The following SYNPO2L variants were observed in gnomAD, a reference collection of about 807,000 sequenced individuals.
SYNPO2L encodes synaptopodin 2-like protein.
SYNPO2L carries 34 observed loss-of-function variants against 47.5 expected under a neutral mutation model. That is an observed-to-expected ratio of 0.72 (90% CI 0.54 to 0.95). SYNPO2L has a LOEUF of 0.95. Among genes scored for constraint, SYNPO2L ranks in the 40% least tolerant of loss-of-function variants. The pLI, the probability that SYNPO2L is intolerant of heterozygous loss-of-function variation, is 0.00. For synonymous variants in SYNPO2L, 536 were observed against 524.9 expected (o/e 1.02, Z -0.29); for missense variants, 1,246 against 1,282.0 (o/e 0.97, Z 0.43).
chr10:73,649,678 C>T (rs2081822266), intron 3 of SYNPO2L: 1 of 956,612 alleles, frequency 1.0e-6, no homozygotes, highest in Non-Finnish European at 1.2e-6. Flanking sequence ...CACCTACATG[C>T]TCTAGGTGGC....
rs2081764194 is a variant in SYNPO2L at position 73,647,118 on chromosome 10, T to C, written c.2534A>G (p.Lys845Arg). 1.9e-6 allele frequency: 3 copies of C among 1,613,112 alleles called. No homozygotes were observed. The highest frequency in any genetic ancestry group is 1.7e-4 in the Middle Eastern group (1 of 6,052). ...GPRATPKQGI[K>R]ALDFMRHQPY... ...CTGATGCCGCATAAAATCTAGAGCCTTGATGCCCTGCTTGGGTGTTGCCCG... is the reference window on the plus strand; with the variant it reads ...CTGATGCCGCATAAAATCTAGAGCCCTGATGCCCTGCTTGGGTGTTGCCCG... Residue 845 changes from lysine to arginine, a missense_variant, in exon 4 of 4, where the codon AAG (lysine) becomes AGG (arginine). Coordinates refer to ENST00000394810, the MANE Select transcript of SYNPO2L (RefSeq NM_001114133.3).
chr10:73,649,807 TCA>T (rs2081824366), intron 3 of SYNPO2L: 3 of 985,280 alleles, frequency 3.0e-6, no homozygotes, highest in African/African-American at 1.7e-5. Context: ...CCCCTGCTAC[TCA>T]CAGTCAGGGG....
intron 3 of SYNPO2L, among the ~76,000 whole-genome samples, 162 bp downstream of exon 3, chr10:73,652,977 T>C (rs1047003277): frequency 6.6e-6 from 1 of 152,168 alleles, no homozygotes. Flanking sequence ...AAAATAATGG[T>C]GGCCATGAGA....
At chr10:73,654,100 G>A (rs767858433) in intron 2 of SYNPO2L, 29 bp downstream of exon 2, 1 of 1,545,070 alleles carries the variant, frequency 6.5e-7, no homozygotes, top group Non-Finnish European at 8.8e-7. Context: ...CCCTGGATTA[G>A]GGGAAGAGAA....
In SYNPO2L at chr10:73,654,198, T is replaced by C. The variant is rs1472259337; in HGVS notation, c.188A>G (p.Asn63Ser). The C allele has an allele frequency of 8.4e-6, 13 of 1,551,210 alleles. No homozygotes were observed. The highest frequency in any genetic ancestry group is 1.1e-5 in the Non-Finnish European group (13 of 1,146,916). The change falls in exon 2 of 4, where the codon AAC becomes AGC. Residue 63 changes from asparagine to serine, a missense_variant. By Grantham distance (46) the Asn-to-Ser change is conservative. Coordinates refer to ENST00000394810, the MANE Select transcript of SYNPO2L (RefSeq NM_001114133.3). Reference sequence around the variant, plus strand: ...GCTCATGGCACTGGCATGGGAGAGGTTGGTGCAAGAGACCCCATTGATTGC... The same window carrying C: ...GCTCATGGCACTGGCATGGGAGAGGCTGGTGCAAGAGACCCCATTGATTGC... ...LLAINGVSCTNLSHASAMSLI... is the reference protein window; with the variant it reads ...LLAINGVSCTSLSHASAMSLI...
chr10:73,647,969 T>G lies in SYNPO2L; in HGVS notation c.1683A>C (p.Pro561=), dbSNP rs771517903. ...GAGCGGGGGGCTCTGGAGCTCCACC[T>G]GGGGTGACAGGCCGACTAGGGGCTG... ...YIPAPSRPVT[P]GGAPEPPAPP... Residue 561 remains proline (P), a synonymous_variant, in exon 4 of 4, where the codon CCA becomes CCC. Coordinates refer to ENST00000394810, the MANE Select transcript of SYNPO2L (RefSeq NM_001114133.3). 3 of 1,540,108 alleles carry G rather than the reference T, an allele frequency of 1.9e-6. No individual in the cohort carries two copies. Among genetic ancestry groups the G allele is most frequent in the Non-Finnish European group, 2.6e-6 (3 of 1,146,186 alleles).
chr10:73,648,235 G>C lies in SYNPO2L; in HGVS notation c.1417C>G (p.Pro473Ala). Reference protein sequence around the residue: ...IFNRSARPFTPGLQGQRPTTT... With the variant: ...IFNRSARPFTAGLQGQRPTTT... ...GTTGGCCGCTGCCCTTGTAGGCCCGGGGTAAAGGGCCTGGCTGACCGGTTA... is the reference window on the plus strand; with the variant it reads ...GTTGGCCGCTGCCCTTGTAGGCCCGCGGTAAAGGGCCTGGCTGACCGGTTA... The change falls in exon 4 of 4, where the codon CCG becomes GCG. Residue 473 changes from proline (P) to alanine (A), a missense_variant. This residue lies in a region of SYNPO2L where 1,037 missense variants were observed against 1,021.5 expected (regional missense o/e 1.02). Transcript: ENST00000394810. The C allele has an allele frequency of 6.3e-7, 1 of 1,588,772 alleles. No individual in the cohort carries two copies. The highest frequency in any genetic ancestry group is 1.1e-5 in the South Asian group (1 of 90,326).
rs141233100 is a variant in SYNPO2L at position 73,645,201 on chromosome 10, C to G, written c.*1517G>C. 1 of 1,148,496 alleles carries G rather than the reference C, an allele frequency of 8.7e-7. No individual in the cohort carries two copies. Among genetic ancestry groups the G allele is most frequent in the South Asian group, 1.9e-5 (1 of 53,318 alleles). The allele number at this position is 1,148,496 out of a possible 1,614,324, so 71.1% of individuals were successfully genotyped here. ...CAAGGAAAATCACACAGACACCAAC[C>G]GTTCTTTCAACACTCAGCACACACC... is the stretch of plus-strand genomic sequence containing the variant. On this transcript the variant is annotated 3_prime_UTR_variant, in exon 4 of 4. Coordinates refer to ENST00000394810, the MANE Select transcript of SYNPO2L (RefSeq NM_001114133.3).
Position 73,647,627 on chromosome 10 carries a change from ATCT to A in SYNPO2L, c.2022_2024del (p.Glu674del), listed in dbSNP as rs1564990783. Reference sequence around the variant, plus strand: ...AGGCTTCAGCCCCGAGGCTCAGAGCATCTTCTTCAGGACCAGATTCTGCACCCC... The same window carrying A: ...AGGCTTCAGCCCCGAGGCTCAGAGCATCTTCAGGACCAGATTCTGCACCCC... On this transcript the variant is annotated inframe_deletion, in exon 4 of 4. Coordinates refer to ENST00000394810, the MANE Select transcript of SYNPO2L (RefSeq NM_001114133.3). 1.2e-6 allele frequency: 2 copies of A among 1,614,158 alleles called. No individual in the cohort carries two copies. The highest frequency in any genetic ancestry group is 1.1e-5 in the South Asian group (1 of 91,088).
rs775185487 is a variant in SYNPO2L, at chr10:73,647,979, G to T, written c.1673C>A (p.Pro558His). The T allele has an allele frequency of 6.5e-7, 1 of 1,544,582 alleles. No homozygotes were observed. Among genetic ancestry groups the T allele is most frequent in the South Asian group, 1.3e-5 (1 of 79,350 alleles). The change falls in exon 4 of 4, where the codon CCT becomes CAT. Residue 558 changes from proline to histidine, a missense_variant. This residue lies in a region of SYNPO2L where 1,037 missense variants were observed against 1,021.5 expected (regional missense o/e 1.02). Coordinates refer to ENST00000394810, the MANE Select transcript of SYNPO2L (RefSeq NM_001114133.3). ...CTCTGGAGCTCCACCTGGGGTGACA[G>T]GCCGACTAGGGGCTGGGATGTACAG... ...SSLYIPAPSRPVTPGGAPEPP... is the reference protein window; with the variant it reads ...SSLYIPAPSRHVTPGGAPEPP...
Position 73,655,824 on chromosome 10 carries a change from C to T in SYNPO2L, c.99G>A (p.Val33=), listed in dbSNP as rs1187609146. ...TTCAGGGGCTCTCCCTTACCTTAGA[C>T]ACCTGTAACGGTTTCCTCTGCTCGG... The part of the protein sequence containing the change: ...GGAEQRKPLQ[V]SKIRRRSQAG... Residue 33 remains valine (V), a synonymous_variant, in exon 1 of 4, where the codon GTG becomes GTA. Transcript: ENST00000394810. The T allele has an allele frequency of 6.5e-7, 1 of 1,548,126 alleles. No homozygotes were observed. Among genetic ancestry groups the T allele is most frequent in the Non-Finnish European group, 8.7e-7 (1 of 1,145,074 alleles).
chr10:73,655,690 G>GTCC, intron 1 of SYNPO2L, 128 bp downstream of exon 1: 3 of 271,700 alleles, frequency 1.1e-5, no homozygotes, highest in Non-Finnish European at 2.2e-5. Context: ...ATACTTCCCT[G>GTCC]CCCACCACCC....
chr10:73,648,273 G>T lies in SYNPO2L; in HGVS notation c.1379C>A (p.Ala460Asp). ...GGCTGACCGGTTAAAGATGCTTGGA[G>T]CTGGGGTCGGGGCTCCACCACCTGG... Reference protein sequence around the residue: ...FQPGGGAPTPAPSIFNRSARP... With the variant: ...FQPGGGAPTPDPSIFNRSARP... Residue 460 changes from alanine (A) to aspartate (D), a missense_variant, in exon 4 of 4, where the codon GCT becomes GAT. Transcript: ENST00000394810. The T allele has an allele frequency of 6.2e-7, 1 of 1,600,560 alleles. No homozygotes were observed.
chr10:73,655,147 G>A (rs2081868953), intron 1 of SYNPO2L, among the ~76,000 whole-genome samples: 1 of 152,210 alleles, frequency 6.6e-6, no homozygotes, highest in East Asian at 1.9e-4. Context: ...TGTGCTACAT[G>A]TATTATTGCA....
Position 73,645,865 on chromosome 10 carries a change from C to A in SYNPO2L, c.*853G>T. ...TTTGAGACAGAGTCTCGCTCCGTCG[C>A]CCAGGCTGGAGTGCAGTGGCGCAAT... On this transcript the variant is annotated 3_prime_UTR_variant, in exon 4 of 4. Transcript: ENST00000394810. 1 of 985,232 alleles carries A rather than the reference C, an allele frequency of 1.0e-6. No homozygotes were observed. Among genetic ancestry groups the A allele is most frequent in the Non-Finnish European group, 1.2e-6 (1 of 829,408 alleles). 61.0% of individuals were successfully genotyped at this position (985,232 alleles called of 1,614,324 possible).
At chr10:73,649,779 A>G (rs1291200635) in intron 3 of SYNPO2L, 1 of 985,326 alleles carries the variant, frequency 1.0e-6, no homozygotes, top group Non-Finnish European at 1.2e-6. Flanking sequence ...CTGCCAGGGC[A>G]GTCCTCTGGG....
chr10:73,651,115 G>C (rs1221860792), intron 3 of SYNPO2L: 4 of 1,403,794 alleles, frequency 2.8e-6, no homozygotes, highest in Non-Finnish European at 3.7e-6. Flanking sequence ...TGAGCTCACT[G>C]TGCTATTTTT....
At chr10:73,650,541 GC>G in intron 3 of SYNPO2L, 1 of 343,402 alleles carries the variant, frequency 2.9e-6, no homozygotes, top group South Asian at 1.2e-4. Context: ...CAGTGTGAAG[GC>G]CCACTATAAC....
In SYNPO2L at chr10:73,645,105, G is replaced by C. The variant is rs1214442952; in HGVS notation, c.*1613C>G. On this transcript the variant is annotated 3_prime_UTR_variant, in exon 4 of 4. Transcript: ENST00000394810. ...GGGGTGGGACTGAAAGGAGGTTTTG[G>C]CTCTGGGTATTTCCCTACTCTTTCC... is the stretch of plus-strand genomic sequence containing the variant. 2 of 1,239,512 alleles carry C rather than the reference G, an allele frequency of 1.6e-6. No individual in the cohort carries two copies. The highest frequency in any genetic ancestry group is 3.3e-5 in the African/African-American group (2 of 61,212). The allele number at this position is 1,239,512 out of a possible 1,614,324, so 76.8% of individuals were successfully genotyped here.
Sources: gnomAD v4.1 joint callset for allele counts (sites outside exome capture counted in the v4.1 genomes callset) on GRCh38, gnomAD v4.1.1 for gene constraint, gnomAD v4.1.1 regional missense constraint, MANE v1.5 for transcripts, NCBI Gene and HGNC (gene_info 2026-07-23, HGNC 2026-07-21) for gene names.